ADRA1B: variants seen among roughly 807,000 people sequenced by gnomAD.
The protein encoded by ADRA1B is alpha-1B adrenergic receptor.
A neutral mutation model predicts 17.9 loss-of-function variants in ADRA1B; 17 were observed. That is an observed-to-expected ratio of 0.95 (90% CI 0.65 to 1.42). ADRA1B has a LOEUF of 1.42. Among genes scored for constraint, ADRA1B ranks in the 40% most tolerant of loss-of-function variants. The pLI is 0.00. For missense variants in ADRA1B, 681 were observed against 722.1 expected (o/e 0.94, Z 0.65); for synonymous variants, 366 against 327.6 (o/e 1.12, Z -1.27).
At chr5:159,965,976 T>C (rs1266304720) in intron 1 of ADRA1B, among the ~76,000 whole-genome samples, 1 of 152,178 alleles carries the variant, frequency 6.6e-6, no homozygotes, top group Admixed American at 6.5e-5. Flanking sequence ...GGTTTTACCA[T>C]GTTGGCGAGG....
Position 159,972,476 on chromosome 5 carries a change from C to A in ADRA1B, c.1547C>A (p.Ala516Glu), listed in dbSNP as rs1022587987. Residue 516 changes from alanine (A) to glutamate (E), a missense_variant, in exon 2 of 2, where the codon GCG becomes GAG. By Grantham distance (107) the Ala-to-Glu change is moderately radical. Coordinates refer to ENST00000306675, the MANE Select transcript of ADRA1B (RefSeq NM_000679.4). ...GGCTTCAAAAGCAACATGCCCCTGG[C>A]GCCCGGGCAGTTTTAGGGCCCCCGT... The part of the protein sequence containing the change: ...QPGFKSNMPL[A>E]PGQF 7.0e-6 allele frequency: 10 copies of A among 1,432,982 alleles called. No individual in the cohort carries two copies. The Admixed American group carries it at 2.1e-4, about 30-fold the overall frequency. 88.8% of individuals were successfully genotyped at this position (1,432,982 alleles called of 1,614,324 possible). A position where few individuals can be genotyped will look rare whatever the true frequency, so the allele number is the denominator to read the frequency against.
At chr5:159,899,266 G>GGAAA (rs1561585239) in intron 1 of ADRA1B, among the ~76,000 whole-genome samples, 1 of 89,658 alleles carries the variant, frequency 1.1e-5, no homozygotes, top group South Asian at 4.1e-4. Flanking sequence ...AAGGAAGAAA[G>GGAAA]GAAGGAAGGA....
chr5:159,957,929 CAAAAAAAAAAAA>C (rs35956137), intron 1 of ADRA1B, among the ~76,000 whole-genome samples: 3 of 66,862 alleles, frequency 4.5e-5, no homozygotes, highest in East Asian at 3.6e-4. Context: ...AACCCCATCT[CAAAAAAAAAAAA>C]AAAAAAAAAA....
intron 1 of ADRA1B, chr5:159,871,534 T>A (rs1753739426): frequency 6.6e-6 from 1 of 152,196 alleles, no homozygotes; most frequent in African/African-American, 2.4e-5. Context: ...GGCTTGCAGC[T>A]CCTCCCCTGT....
chr5:159,968,957 A>G (rs1253372515), intron 1 of ADRA1B, among the ~76,000 whole-genome samples: 2 of 152,210 alleles, frequency 1.3e-5, no homozygotes, highest in African/African-American at 4.8e-5. Context: ...TGACAGAAAT[A>G]AGCCCATCCC....
chr5:159,945,088 G>A (rs1053316410), intron 1 of ADRA1B, among the ~76,000 whole-genome samples: 2 of 152,136 alleles, frequency 1.3e-5, no homozygotes, highest in African/African-American at 4.8e-5. Flanking sequence ...TTAATTTTAA[G>A]AAAAAAGAGG....
the ADRA1B span, among the ~76,000 whole-genome samples, chr5:159,980,906 A>G: frequency 6.6e-6 from 1 of 152,064 alleles, no homozygotes; most frequent in African/African-American, 2.4e-5. Context: ...CTCTCCTGAG[A>G]TAAGTACTAT....
At chr5:159,929,491 C>T (rs1754743703) in intron 1 of ADRA1B, among the ~76,000 whole-genome samples, 2 of 150,538 alleles carry the variant, frequency 1.3e-5, no homozygotes, top group African/African-American at 4.9e-5. Context: ...TTTTCTCACC[C>T]AAGTTTATGG....
the ADRA1B span, among the ~76,000 whole-genome samples, chr5:159,987,183 TA>T: frequency 6.6e-6 from 1 of 152,256 alleles, no homozygotes; most frequent in Non-Finnish European, 1.5e-5. Flanking sequence ...TCATGCCTTT[TA>T]AATCACGCGT....
intron 1 of ADRA1B, among the ~76,000 whole-genome samples, chr5:159,943,941 A>AACAC (rs1323571329): frequency 8.2e-6 from 1 of 121,842 alleles, no homozygotes; most frequent in Non-Finnish European, 1.8e-5. Context: ...CACACACACA[A>AACAC]ACACACACAC....
At position 159,931,691 on chromosome 5, in the gene ADRA1B, T is replaced by A. The variant is rs140524276; in HGVS notation, c.949+13837T>A. Among the ~76,000 whole-genome samples the A allele has an allele frequency of 1.7e-4, 26 of 152,314 alleles. No individual in the cohort carries two copies. In the East Asian group the frequency reaches 4.8e-3, roughly 28 times the overall value. ...AAATGACAGAATTTATTGCTCACAGTTCTGGAGGCTCGGAAGTCCAAGATC... is the reference window on the plus strand; with the variant it reads ...AAATGACAGAATTTATTGCTCACAGATCTGGAGGCTCGGAAGTCCAAGATC... On this transcript the variant is annotated intron_variant, in intron 1 of 1. Transcript: ENST00000306675.
At chr5:159,873,739 T>A (rs1055736001) in intron 1 of ADRA1B, among the ~76,000 whole-genome samples, 6 of 152,160 alleles carry the variant, frequency 3.9e-5, no homozygotes, top group Non-Finnish European at 7.3e-5. Flanking sequence ...GGAGGTGGTT[T>A]CACCTCCTTC....
intron 1 of ADRA1B, among the ~76,000 whole-genome samples, chr5:159,958,831 AT>A (rs1382610257): frequency 6.6e-6 from 1 of 152,202 alleles, no homozygotes; most frequent in African/African-American, 2.4e-5. Context: ...AGTCCCACCA[AT>A]GCTCAGTTTC....
chr5:159,899,831 CT>C (rs1581024429), intron 1 of ADRA1B, among the ~76,000 whole-genome samples: 1 of 152,202 alleles, frequency 6.6e-6, no homozygotes, highest in Non-Finnish European at 1.5e-5. Context: ...CAGGCAAGAT[CT>C]TTCTCCTTTC....
downstream of ADRA1B, among the ~76,000 whole-genome samples, chr5:159,975,429 C>G (rs975354047): frequency 6.6e-6 from 1 of 152,192 alleles, no homozygotes; most frequent in African/African-American, 2.4e-5. Context: ...ATGATCATCA[C>G]AGCCCACCAG....
intron 1 of ADRA1B, among the ~76,000 whole-genome samples, chr5:159,967,695 C>T (rs201343366): frequency 2.2e-4 from 34 of 152,274 alleles, no homozygotes; most frequent in East Asian, 1.5e-3. Flanking sequence ...ACTGCCTAAT[C>T]AGCCAAGGGC....
the ADRA1B span, among the ~76,000 whole-genome samples, chr5:159,984,357 A>C: frequency 5.5e-3 from 832 of 152,270 alleles, 3 homozygotes; most frequent in Non-Finnish European, 0.01. Flanking sequence ...GAAATGGACC[A>C]ATGTTCCCCT....
At chr5:159,887,033 C>T (rs1473365661) in intron 1 of ADRA1B, among the ~76,000 whole-genome samples, 2 of 152,046 alleles carry the variant, frequency 1.3e-5, no homozygotes, top group Admixed American at 6.5e-5. Flanking sequence ...GGATAGATAA[C>T]GTGTTAATTC....
At chr5:159,964,787 T>A (rs928405755) in intron 1 of ADRA1B, among the ~76,000 whole-genome samples, 10 of 152,204 alleles carry the variant, frequency 6.6e-5, no homozygotes, top group Non-Finnish European at 1.5e-4. Context: ...GACCTCATCC[T>A]CTTCACCACC....
Sources: allele counts gnomAD v4.1 joint callset (sites outside exome capture counted in the v4.1 genomes callset), GRCh38; gene constraint gnomAD v4.1.1; transcripts MANE v1.5; gene names NCBI Gene and HGNC (gene_info 2026-07-23, HGNC 2026-07-21).